PLEKHA8: variants seen among roughly 807,000 people sequenced by gnomAD.
The protein encoded by PLEKHA8 is pleckstrin homology domain containing A8, also known as pleckstrin homology domain-containing family A member 8.
In PLEKHA8, 36 loss-of-function variants were observed where a neutral mutation model predicts 68.2. That is an observed-to-expected ratio of 0.53 (90% CI 0.40 to 0.70). The LOEUF (loss-of-function observed/expected upper bound fraction) is 0.70, where lower values mean the gene tolerates loss of function less well. Ranked by LOEUF, PLEKHA8 falls within the 30% of genes least tolerant of loss-of-function variation. The pLI is 0.00. For missense variants in PLEKHA8, 505 were observed against 615.4 expected, an observed-to-expected ratio of 0.82 and a Z score of 1.90; for synonymous variants, 211 against 216.1, an observed-to-expected ratio of 0.98 and a Z score of 0.20.
At position 30,078,897 on chromosome 7, in the gene PLEKHA8, G is replaced by A. The variant is rs1794779668; in HGVS notation, c.*110G>A. 3 of 1,455,326 alleles carry A rather than the reference G, an allele frequency of 2.1e-6. 1 individual carries two copies. The highest frequency in any genetic ancestry group is 2.9e-5 in the South Asian group (2 of 67,996). 90.2% of individuals were successfully genotyped at this position (1,455,326 alleles called of 1,614,324 possible). ...ACCCTCTCCAACCCCTTCACCTGGG[G>A]GGATGGACAGGAGGTGGCAAAACCC... On this transcript the variant is annotated 3_prime_UTR_variant, in exon 14 of 14. Coordinates refer to ENST00000449726, the MANE Select transcript of PLEKHA8 (RefSeq NM_001197026.2).
intron 13 of PLEKHA8, among the ~76,000 whole-genome samples, chr7:30,101,434 G>A (rs541648760): frequency 1.6e-4 from 24 of 151,936 alleles, no homozygotes; most frequent in Non-Finnish European, 2.4e-4. Flanking sequence ...AACCGTGGTC[G>A]GGTTCTGGTG....
At chr7:30,129,507 AT>A, downstream of PLEKHA8, 1 of 625,552 alleles carries the variant, frequency 1.6e-6, no homozygotes, top group East Asian at 2.8e-5. Flanking sequence ...GATGAATGCA[AT>A]TTCTAATTGA....
chr7:30,037,995 T>C (rs984014395), intron 1 of PLEKHA8, among the ~76,000 whole-genome samples: 1 of 152,186 alleles, frequency 6.6e-6, no homozygotes, highest in East Asian at 1.9e-4. Flanking sequence ...AATTTTTAAT[T>C]GTTTTTCCTG....
intron 6 of PLEKHA8, among the ~76,000 whole-genome samples, chr7:30,052,497 A>G (rs1444248459): frequency 6.6e-6 from 1 of 152,086 alleles, no homozygotes; most frequent in Non-Finnish European, 1.5e-5. Flanking sequence ...TTAGCCGGGC[A>G]TGGTGGCAGG....
At chr7:30,117,934 A>T (rs2128023309) in intron 13 of PLEKHA8, 2 of 1,438,190 alleles carry the variant, frequency 1.4e-6, no homozygotes, top group Non-Finnish European at 9.4e-7. Flanking sequence ...TTTTTTAAAA[A>T]ATTTAAAAAC....
chr7:30,102,934 G>T (rs567936438), intron 13 of PLEKHA8, among the ~76,000 whole-genome samples: 8 of 152,356 alleles, frequency 5.3e-5, no homozygotes, highest in African/African-American at 1.9e-4. Context: ...GCTGGATGTG[G>T]CGGCTCATGC....
chr7:30,118,694 C>T (rs1181471587), intron 13 of PLEKHA8, among the ~76,000 whole-genome samples: 1 of 152,106 alleles, frequency 6.6e-6, no homozygotes, highest in African/African-American at 2.4e-5. Context: ...TCTCCTGCCT[C>T]AGCCTCCCCA....
chr7:30,120,375 G>C (rs1400643595), intron 13 of PLEKHA8, among the ~76,000 whole-genome samples: 1 of 152,202 alleles, frequency 6.6e-6, no homozygotes, highest in Non-Finnish European at 1.5e-5. Context: ...TACAGAAACA[G>C]CTGGATTGGT....
Position 30,049,205 on chromosome 7 carries a change from C to T in PLEKHA8, c.439-19C>T, listed in dbSNP as rs755066933. ...TTTTTGGCAAGGTAAAGGAGTCTTC[C>T]ACTCTGGTTGTTTCGTAGGAGGGAA... On this transcript the variant is annotated intron_variant, in intron 4 of 13. Coordinates refer to ENST00000449726, the MANE Select transcript of PLEKHA8 (RefSeq NM_001197026.2). 6.2e-7 allele frequency: 1 copy of T among 1,613,388 alleles called. No homozygotes were observed. The highest frequency in any genetic ancestry group is 2.2e-5 in the East Asian group (1 of 44,862).
At chr7:30,052,672 G>GACC (rs1371341416) in intron 6 of PLEKHA8, 37 bp from the exon 7 acceptor site, 11 of 1,295,550 alleles carry the variant, frequency 8.5e-6, no homozygotes, top group Non-Finnish European at 1.1e-5. Context: ...ACCAAATAAC[G>GACC]ACCTTCTGGC....
Position 30,074,093 on chromosome 7 carries a change from G to A in PLEKHA8, c.1323G>A (p.Leu441=), listed in dbSNP as rs149865338. ...TALNNAYGKT[L]RQHHGWVVRG... is the part of the protein sequence containing the mutation. ...AAGATAATGCATATGGTAAAACATT[G>A]CGGCAACACCATGGCTGGGTAGTTC... The change falls in exon 13 of 14, where the codon TTG becomes TTA. Residue 441 remains leucine (L), a synonymous_variant. Transcript: ENST00000449726. The A allele has an allele frequency of 3.2e-5, 51 of 1,612,898 alleles. No homozygotes were observed. Among genetic ancestry groups the A allele is most frequent in the African/African-American group, 2.7e-5 (2 of 74,902 alleles).
intron 13 of PLEKHA8, among the ~76,000 whole-genome samples, chr7:30,109,256 C>T (rs551356039): frequency 1.1e-4 from 17 of 152,166 alleles, no homozygotes; most frequent in African/African-American, 3.6e-4. Flanking sequence ...CACCCAGTTT[C>T]GATAATGTTG....
chr7:30,079,565 A>G lies in PLEKHA8; in HGVS notation c.*778A>G. The G allele has an allele frequency of 1.1e-6, 1 of 891,962 alleles. No individual in the cohort carries two copies. The highest frequency in any genetic ancestry group is 1.2e-4 in the East Asian group (1 of 8,352). The allele number at this position is 891,962 out of a possible 1,614,324, so 55.3% of individuals were successfully genotyped here. A position where few individuals can be genotyped will look rare whatever the true frequency, so the allele number is the denominator to read the frequency against. On this transcript the variant is annotated 3_prime_UTR_variant, in exon 14 of 14. Transcript: ENST00000449726. ...TCTCAATTGGACATCACAAGTAATGATACCCAGAGGGATTATTACTCCACT... is the reference window on the plus strand; with the variant it reads ...TCTCAATTGGACATCACAAGTAATGGTACCCAGAGGGATTATTACTCCACT...
intron 5 of PLEKHA8, 180 bp downstream of exon 5, chr7:30,049,562 C>T: frequency 2.9e-6 from 2 of 690,434 alleles, no homozygotes; most frequent in Non-Finnish European, 4.5e-6. Flanking sequence ...TTATTTGTGG[C>T]AATTTTACCA....
intron 13 of PLEKHA8, among the ~76,000 whole-genome samples, chr7:30,117,363 C>A (rs1029443394): frequency 6.6e-6 from 1 of 152,168 alleles, no homozygotes. Flanking sequence ...AAGTTAGTTT[C>A]TTAAAATTTG....
chr7:30,048,739 G>A (rs1328903588), intron 4 of PLEKHA8, among the ~76,000 whole-genome samples: 2 of 151,752 alleles, frequency 1.3e-5, no homozygotes, highest in African/African-American at 4.8e-5. Context: ...CATGTGTTTC[G>A]AGTTTTTCTA....
chr7:30,034,010 C>CTTTTGTTTTTTTTTTTTTT (rs1790859175), intron 1 of PLEKHA8, among the ~76,000 whole-genome samples: 8 of 34,632 alleles, frequency 2.3e-4, no homozygotes, highest in African/African-American at 8.9e-4. Context: ...TAAGAGGTTT[C>CTTTTGTTTTTTTTTTTTTT]TTTTTTTTTT....
rs149548208 is a variant in PLEKHA8 at position 30,074,246 on chromosome 7, T to TTGTGTGTGTGTGTGTG, written c.1362+126_1362+141dup. 888 of 488,206 alleles carry TTGTGTGTGTGTGTGTG rather than the reference T, an allele frequency of 1.8e-3. 2 individuals carry two copies. The highest frequency in any genetic ancestry group is 3.5e-3 in the Middle Eastern group (11 of 3,110). The allele number at this position is 488,206 out of a possible 1,614,324, so 30.2% of individuals were successfully genotyped here. ...CTAGTCATGATTGTCAGAAACAAAG[T>TTGTGTGTGTGTGTGTG]TGTGTGTGTGTGTGTGTGTGTGTGT... On this transcript the variant is annotated intron_variant, in intron 13 of 13. Coordinates refer to ENST00000449726, the MANE Select transcript of PLEKHA8 (RefSeq NM_001197026.2).
chr7:30,077,460 G>A (rs1267993140), intron 13 of PLEKHA8, among the ~76,000 whole-genome samples: 2 of 152,074 alleles, frequency 1.3e-5, no homozygotes, highest in African/African-American at 4.8e-5. Flanking sequence ...TTTATCATGT[G>A]CCAGGCAGTG....
Sources: gnomAD v4.1 joint callset for allele counts (sites outside exome capture counted in the v4.1 genomes callset) on GRCh38, gnomAD v4.1.1 for gene constraint, MANE v1.5 for transcripts, NCBI Gene and HGNC (gene_info 2026-07-23, HGNC 2026-07-21) for gene names.